Variants in IL12RB2 observed in about 807,000 individuals in gnomAD.
IL12RB2 encodes interleukin-12 receptor subunit beta-2.
Under a neutral mutation model 89.4 loss-of-function variants are expected in IL12RB2, and 82 were observed. The ratio of observed to expected loss-of-function variants is 0.92; its 90% CI spans 0.77 to 1.10. The LOEUF is 1.10. Among genes scored for constraint, IL12RB2 ranks in the 50% least tolerant of loss-of-function variants. The probability of loss-of-function intolerance (pLI) is 0.00; values close to 1 mark genes in which losing one functional copy is unlikely to be tolerated. For missense variants in IL12RB2, 963 were observed against 1,031.9 expected (o/e 0.93, Z 0.92); for synonymous variants, 368 against 370.1 (o/e 0.99, Z 0.07).
At chr1:67,330,275 A>ATTTT (rs1558307796) in intron 7 of IL12RB2, among the ~76,000 whole-genome samples, 2 of 13,666 alleles carry the variant, frequency 1.5e-4, no homozygotes, top group East Asian at 3.4e-3. Context: ...GGTTTTTTTA[A>ATTTT]AAAAAAAAAA....
intron 10 of IL12RB2, among the ~76,000 whole-genome samples, chr1:67,365,733 GA>G (rs202089871): frequency 2.0e-5 from 3 of 149,348 alleles, no homozygotes; most frequent in East Asian, 2.0e-4. Flanking sequence ...TTCTCCCCCT[GA>G]AAAAAAAACC....
At chr1:67,309,077 C>CAT (rs1212965312) in intron 1 of IL12RB2, among the ~76,000 whole-genome samples, 24 of 151,460 alleles carry the variant, frequency 1.6e-4, no homozygotes, top group Admixed American at 2.6e-4. Context: ...CACACATACA[C>CAT]ATATATATAT....
intron 10 of IL12RB2, among the ~76,000 whole-genome samples, chr1:67,365,839 G>A (rs75414735): frequency 0.046 from 7,019 of 152,182 alleles, 224 homozygotes; most frequent in Admixed American, 0.069. Context: ...CATGACCCTA[G>A]GATAGAAGGG....
intron 2 of IL12RB2, among the ~76,000 whole-genome samples, chr1:67,315,236 A>C (rs909457844): frequency 6.6e-6 from 1 of 152,086 alleles, no homozygotes; most frequent in African/African-American, 2.4e-5. Context: ...TAATAATAGG[A>C]CATAATATAT....
chr1:67,359,534 C>T (rs982072998), intron 10 of IL12RB2, among the ~76,000 whole-genome samples: 9 of 151,962 alleles, frequency 5.9e-5, no homozygotes, highest in African/African-American at 1.7e-4. Context: ...CCAGCCTGGC[C>T]GACATGGTGA....
rs551475015 is a variant in IL12RB2 at position 67,398,503 on chromosome 1, A to C, written c.*2414A>C. On this transcript the variant is annotated 3_prime_UTR_variant, in exon 17 of 17. Transcript: ENST00000674203. ...TACTGCAGTCCTCATTTGTCTTCCC[A>C]AAAAAAAAAAAGAATTTTTTTTTTT... Among the ~76,000 whole-genome samples the C allele has an allele frequency of 1.4e-5, 2 of 140,306 alleles. No homozygotes were observed. The highest frequency in any genetic ancestry group is 2.0e-4 in the East Asian group (1 of 4,972). 92.0% of individuals were successfully genotyped at this position (140,306 alleles called of 152,430 possible). A position where few individuals can be genotyped will look rare whatever the true frequency, so the allele number is the denominator to read the frequency against.
At chr1:67,386,870 TTTTATATATATA>T (rs1665214717) in intron 15 of IL12RB2, among the ~76,000 whole-genome samples, 1 of 116,426 alleles carries the variant, frequency 8.6e-6, no homozygotes, top group Admixed American at 8.9e-5. Context: ...TAGAAATGTA[TTTTATATATATA>T]TATATATATA....
In IL12RB2 at chr1:67,330,734, T is replaced by C; in HGVS notation, c.882T>C (p.Ile294=). 1 of 1,526,570 alleles carries C rather than the reference T, an allele frequency of 6.6e-7. No individual in the cohort carries two copies. The highest frequency in any genetic ancestry group is 9.1e-7 in the Non-Finnish European group (1 of 1,100,322). 94.6% of individuals were successfully genotyped at this position (1,526,570 alleles called of 1,614,324 possible). A position where few individuals can be genotyped will look rare whatever the true frequency, so the allele number is the denominator to read the frequency against. ...CATTTACAGAATATGAATTTCAGAT[T>C]TCCTCTAAGCTACATCTTTATAAGG... ...LKPFTEYEFQ[I]SSKLHLYKGS... is the part of the protein sequence containing the mutation. The change falls in exon 8 of 17, where the codon ATT becomes ATC. Residue 294 remains isoleucine (I), a synonymous_variant. Transcript: ENST00000674203.
At chr1:67,385,225 C>T (rs1665010078) in intron 14 of IL12RB2, among the ~76,000 whole-genome samples, 1 of 152,200 alleles carries the variant, frequency 6.6e-6, no homozygotes, top group Admixed American at 6.5e-5. Context: ...AGGGAGGGCT[C>T]AGGAAACTTA....
At chr1:67,338,336 CAAAAAAAAAAAAAAAAAAAAAAAAA>C (rs572505092) in intron 8 of IL12RB2, among the ~76,000 whole-genome samples, 19 of 40,102 alleles carry the variant, frequency 4.7e-4, no homozygotes, top group Non-Finnish European at 1.7e-4. Flanking sequence ...GATCCTGTCT[CAAAAAAAAAAAAAAAAAAAAAAAAA>C]AAAAAAAAAA....
In IL12RB2 at chr1:67,397,121, T is replaced by C. The variant is rs1666418455; in HGVS notation, c.*1032T>C. Among the ~76,000 whole-genome samples, 1 of 150,968 alleles carries C rather than the reference T, an allele frequency of 6.6e-6. No homozygotes were observed. On this transcript the variant is annotated 3_prime_UTR_variant, in exon 17 of 17. Coordinates refer to ENST00000674203, the MANE Select transcript of IL12RB2 (RefSeq NM_001374259.2). ...CAGCCTGGGCAACAGAGCAAGACTC[T>C]GTCTCAAAAAAGAAAAAAAAAAAAA...
At chr1:67,335,636 C>CT (rs765563595) in intron 8 of IL12RB2, among the ~76,000 whole-genome samples, 15 of 151,376 alleles carry the variant, frequency 9.9e-5, no homozygotes, top group South Asian at 4.2e-4. Flanking sequence ...TGGCCTTTGG[C>CT]TTTTTTTTTC....
intron 10 of IL12RB2, among the ~76,000 whole-genome samples, chr1:67,367,554 A>G (rs1662843373): frequency 6.6e-6 from 1 of 151,494 alleles, no homozygotes; most frequent in Non-Finnish European, 1.5e-5. Flanking sequence ...AAGGAAGGGA[A>G]GGAAGGAAAA....
chr1:67,390,237 G>A (rs1665660758), intron 16 of IL12RB2, 109 bp downstream of exon 16: 1 of 721,120 alleles, frequency 1.4e-6, no homozygotes, highest in African/African-American at 1.7e-5. Flanking sequence ...CTATGGTTGA[G>A]CTTAAGTTAT....
chr1:67,379,509 C>CAAAAAAAAA (rs58494224), intron 13 of IL12RB2, among the ~76,000 whole-genome samples: 32 of 68,474 alleles, frequency 4.7e-4, no homozygotes, highest in South Asian at 6.9e-4. Context: ...GAACCTGTCT[C>CAAAAAAAAA]AAAAAAAAAA....
At chr1:67,351,846 G>A (rs901838145) in intron 10 of IL12RB2, among the ~76,000 whole-genome samples, 1 of 152,020 alleles carries the variant, frequency 6.6e-6, no homozygotes, top group African/African-American at 2.4e-5. Flanking sequence ...CTCACAATTA[G>A]GCAAGGAAAT....
chr1:67,370,246 A>G (rs1432242899), intron 11 of IL12RB2, among the ~76,000 whole-genome samples: 1 of 152,120 alleles, frequency 6.6e-6, no homozygotes, highest in African/African-American at 2.4e-5. Context: ...TTTTCCCAGC[A>G]TCTGGCTGGG....
At chr1:67,338,556 T>A (rs1659141981) in intron 8 of IL12RB2, 68 bp from the exon 9 acceptor site, 1 of 797,942 alleles carries the variant, frequency 1.3e-6, no homozygotes, top group Non-Finnish European at 2.3e-6. Flanking sequence ...AATTGTTTAC[T>A]GAATGACCAG....
chr1:67,310,738 T>C (rs566171250), intron 1 of IL12RB2, among the ~76,000 whole-genome samples: 1 of 152,294 alleles, frequency 6.6e-6, no homozygotes, highest in East Asian at 1.9e-4. Context: ...TGTTTGTTTT[T>C]TGTTTTTGAG....
Sources: gnomAD v4.1 joint callset for allele counts (sites outside exome capture counted in the v4.1 genomes callset) on GRCh38, gnomAD v4.1.1 for gene constraint, MANE v1.5 for transcripts, NCBI Gene and HGNC (gene_info 2026-07-23, HGNC 2026-07-21) for gene names.